The following XIRP2 variants were observed in gnomAD, a reference collection of about 807,000 sequenced individuals.
XIRP2 encodes xin actin binding repeat containing 2, also known as xin actin-binding repeat-containing protein 2.
Under a neutral mutation model 277.0 loss-of-function variants are expected in XIRP2, and 236 were observed. That is an observed-to-expected ratio of 0.85 (90% CI 0.77 to 0.95). The LOEUF (loss-of-function observed/expected upper bound fraction) is 0.95. Ranked by LOEUF, XIRP2 falls within the 40% of genes least tolerant of loss-of-function variation. XIRP2 has a pLI of 0.00. For synonymous variants in XIRP2, 1,490 were observed against 1,416.5 expected (o/e 1.05, Z -1.17); for missense variants, 4,640 against 4,157.5 (o/e 1.12, Z -3.19).
chr2:167,106,623 C>A (rs1342642657), intron 2 of XIRP2, among the ~76,000 whole-genome samples: 1 of 151,492 alleles, frequency 6.6e-6, no homozygotes, highest in Non-Finnish European at 1.5e-5. Flanking sequence ...TCTTAAAATT[C>A]CTCCCAATTA....
chr2:167,067,495 G>C (rs1416033773), intron 2 of XIRP2, among the ~76,000 whole-genome samples: 1 of 151,996 alleles, frequency 6.6e-6, no homozygotes, highest in East Asian at 1.9e-4. Context: ...TTCAATTCAA[G>C]ACCACTGCAA....
At chr2:167,130,732 C>T (rs144522874) in intron 2 of XIRP2, among the ~76,000 whole-genome samples, 24 of 152,014 alleles carry the variant, frequency 1.6e-4, no homozygotes, top group Non-Finnish European at 2.2e-4. Context: ...CTCTTGGTGG[C>T]GACCTAAATT....
chr2:167,128,338 G>T (rs1419521172), intron 2 of XIRP2, among the ~76,000 whole-genome samples: 2 of 152,134 alleles, frequency 1.3e-5, no homozygotes, highest in African/African-American at 2.4e-5. Context: ...CGCAACACAG[G>T]TCTAAACTGT....
intron 2 of XIRP2, among the ~76,000 whole-genome samples, chr2:167,126,175 G>GCTCTCT (rs759213012): frequency 2.3e-4 from 30 of 131,156 alleles, no homozygotes; most frequent in Non-Finnish European, 4.5e-4. Context: ...CTCCTTGTGC[G>GCTCTCT]CTCTCTCTCT....
At chr2:167,001,035 A>G (rs1687353581) in intron 2 of XIRP2, among the ~76,000 whole-genome samples, 1 of 152,124 alleles carries the variant, frequency 6.6e-6, no homozygotes, top group African/African-American at 2.4e-5. Context: ...TTCAGCCTCC[A>G]TTTCTTAAAA....
intron 3 of XIRP2, among the ~76,000 whole-genome samples, chr2:167,146,686 A>G (rs954948234): frequency 8.5e-5 from 13 of 152,288 alleles, no homozygotes; most frequent in East Asian, 7.7e-4. Context: ...TCAAAGACAC[A>G]TGACTAAACA....
At chr2:166,999,362 A>G (rs115222536) in intron 2 of XIRP2, among the ~76,000 whole-genome samples, 4,154 of 152,016 alleles carry the variant, frequency 0.027, 84 homozygotes, top group Non-Finnish European at 0.039. Context: ...CCGCTTGAAT[A>G]TGTATTACTT....
chr2:167,212,416 T>C (rs1694074980), intron 4 of XIRP2, among the ~76,000 whole-genome samples: 1 of 152,220 alleles, frequency 6.6e-6, no homozygotes, highest in Non-Finnish European at 1.5e-5. Flanking sequence ...AAAAAAGTGG[T>C]ATCAAGGCAT....
intron 2 of XIRP2, among the ~76,000 whole-genome samples, chr2:166,970,249 ATAATC>A (rs1441221887): frequency 3.4e-4 from 51 of 152,058 alleles, no homozygotes; most frequent in Non-Finnish European, 5.9e-5. Context: ...GGAGACATGA[ATAATC>A]TAAAATGATT....
chr2:167,235,235 TTTCCATAGATG>T (rs1694867002), intron 5 of XIRP2, among the ~76,000 whole-genome samples: 3 of 151,952 alleles, frequency 2.0e-5, no homozygotes. Context: ...TGCACATATT[TTTCCATAGATG>T]TTCTGATCTA....
intron 2 of XIRP2, among the ~76,000 whole-genome samples, chr2:167,094,057 C>G (rs1189114486): frequency 6.6e-6 from 1 of 152,200 alleles, no homozygotes; most frequent in Non-Finnish European, 1.5e-5. Context: ...TTGCATTTCT[C>G]TAATGATCAG....
intron 3 of XIRP2, chr2:167,184,697 T>C (rs1693108865): frequency 1.4e-6 from 1 of 702,046 alleles, no homozygotes; most frequent in East Asian, 2.7e-5. Flanking sequence ...GGTTTGGCTA[T>C]CTCTGATGCC....
At chr2:167,096,361 G>A (rs537525362) in intron 2 of XIRP2, among the ~76,000 whole-genome samples, 1 of 152,124 alleles carries the variant, frequency 6.6e-6, no homozygotes, top group Non-Finnish European at 1.5e-5. Flanking sequence ...ATTCTCTGAT[G>A]GTAGTTTGTA....
intron 2 of XIRP2, among the ~76,000 whole-genome samples, chr2:167,035,698 GA>G (rs1196416443): frequency 3.9e-5 from 6 of 152,208 alleles, no homozygotes; most frequent in Non-Finnish European, 8.8e-5. Context: ...GCCAGCTGCA[GA>G]AATTTGCATA....
intron 2 of XIRP2, among the ~76,000 whole-genome samples, chr2:167,089,552 T>G (rs1690080020): frequency 6.6e-6 from 1 of 152,188 alleles, no homozygotes; most frequent in Non-Finnish European, 1.5e-5. Flanking sequence ...ATAAAATCCA[T>G]AATTTCTACT....
At chr2:167,013,187 A>G (rs1392433649) in intron 2 of XIRP2, among the ~76,000 whole-genome samples, 1 of 151,430 alleles carries the variant, frequency 6.6e-6, no homozygotes, top group African/African-American at 2.4e-5. Context: ...GTTTATCAAT[A>G]TATTTCTGTT....
At chr2:167,061,040 T>A (rs1282538763) in intron 2 of XIRP2, among the ~76,000 whole-genome samples, 1 of 152,156 alleles carries the variant, frequency 6.6e-6, no homozygotes, top group African/African-American at 2.4e-5. Flanking sequence ...ATCAGAGCAA[T>A]ATTTTATAGT....
intron 5 of XIRP2, among the ~76,000 whole-genome samples, chr2:167,219,295 A>G (rs1168031023): frequency 1.3e-5 from 2 of 152,230 alleles, no homozygotes; most frequent in African/African-American, 4.8e-5. Flanking sequence ...ACTTAATATA[A>G]ATAAGAAATT....
At chr2:167,148,906 T>A (rs1288700498) in intron 3 of XIRP2, among the ~76,000 whole-genome samples, 1 of 151,664 alleles carries the variant, frequency 6.6e-6, no homozygotes, top group East Asian at 1.9e-4. Context: ...AACTGTTAGT[T>A]CCCATACTAA....
Sources: allele counts gnomAD v4.1 joint callset (sites outside exome capture counted in the v4.1 genomes callset), GRCh38; gene constraint gnomAD v4.1.1; transcripts MANE v1.5; gene names NCBI Gene and HGNC (gene_info 2026-07-23, HGNC 2026-07-21).